Variants in GALNT1 observed in about 807,000 individuals in gnomAD.
The protein encoded by GALNT1 is polypeptide N-acetylgalactosaminyltransferase 1, also known as GalNAc transferase 1.
GALNT1 carries 17 observed loss-of-function variants against 65.7 expected under a neutral mutation model. The observed-to-expected ratio is 0.26, with a 90% CI of 0.18 to 0.39. The LOEUF (loss-of-function observed/expected upper bound fraction) is 0.39, where lower values mean the gene tolerates loss of function less well. Ranked by LOEUF, GALNT1 falls within the 10% of genes least tolerant of loss-of-function variation. The probability of loss-of-function intolerance (pLI) is 1.00; values close to 1 mark genes in which losing one functional copy is unlikely to be tolerated. For missense variants in GALNT1, 460 were observed against 672.8 expected, an observed-to-expected ratio of 0.68 and a Z score of 3.50; for synonymous variants, 210 against 219.7, an observed-to-expected ratio of 0.96 and a Z score of 0.39.
At chr18:35,669,026 G>A (rs1253359621) in intron 3 of GALNT1, among the ~76,000 whole-genome samples, 2 of 152,196 alleles carry the variant, frequency 1.3e-5, no homozygotes, top group Admixed American at 6.5e-5. Flanking sequence ...CGGATCATGA[G>A]GTCAGGAGAT....
chr18:35,687,977 T>G (rs7239521), intron 6 of GALNT1, among the ~76,000 whole-genome samples: 34,387 of 152,114 alleles, frequency 0.23, 4,408 homozygotes, highest in African/African-American at 0.34. Context: ...ACTGTGTGCT[T>G]TTTTCCTTAG....
At chr18:35,647,745 G>A (rs1009271356) in intron 1 of GALNT1, among the ~76,000 whole-genome samples, 6 of 152,056 alleles carry the variant, frequency 3.9e-5, no homozygotes, top group African/African-American at 1.4e-4. Context: ...ATGAAGCTTT[G>A]TTTTCTCAGA....
chr18:35,634,286 T>C lies in GALNT1; in HGVS notation c.-103-20274T>C, dbSNP rs112982036. On this transcript the variant is annotated intron_variant, in intron 1 of 11. Transcript: ENST00000269195. ...ACATTGCTAGGGGTCACATAACTCA[T>C]AAGTGTTGCTGCAACTGAAATTTGA... is the stretch of plus-strand genomic sequence containing the variant. Among the ~76,000 whole-genome samples the C allele has an allele frequency of 6.4e-3, 972 of 152,268 alleles. 18 individuals carry two copies. The highest frequency in any genetic ancestry group is 0.022 in the African/African-American group (922 of 41,552).
At chr18:35,594,405 T>C (rs2046480513) in intron 1 of GALNT1, among the ~76,000 whole-genome samples, 1 of 152,018 alleles carries the variant, frequency 6.6e-6, no homozygotes, top group Non-Finnish European at 1.5e-5. Context: ...GGTCTGAGGA[T>C]GTGCACAAGG....
intron 1 of GALNT1, among the ~76,000 whole-genome samples, chr18:35,639,866 A>T (rs535033019): frequency 6.6e-6 from 1 of 152,126 alleles, no homozygotes; most frequent in African/African-American, 2.4e-5. Context: ...GTGCGATCTC[A>T]GCTCACTGCA....
At chr18:35,656,306 C>CT (rs2047384935) in intron 2 of GALNT1, among the ~76,000 whole-genome samples, 1 of 152,136 alleles carries the variant, frequency 6.6e-6, no homozygotes, top group Non-Finnish European at 1.5e-5. Flanking sequence ...GGGCAAGGTA[C>CT]TAGGTGCTGT....
intron 9 of GALNT1, 23 bp downstream of exon 9, chr18:35,692,343 T>C (rs1433362781): frequency 2.2e-6 from 3 of 1,340,876 alleles, no homozygotes; most frequent in South Asian, 3.3e-5. Flanking sequence ...TATATATATA[T>C]TCTATGTGGT....
At chr18:35,704,289 T>A in intron 11 of GALNT1, among the ~76,000 whole-genome samples, 1 of 149,048 alleles carries the variant, frequency 6.7e-6, no homozygotes, top group South Asian at 2.1e-4. Context: ...CTGTAAGGCA[T>A]TTAGTGCCAC....
intron 1 of GALNT1, among the ~76,000 whole-genome samples, chr18:35,631,556 T>C (rs2047010439): frequency 6.6e-6 from 1 of 152,232 alleles, no homozygotes; most frequent in Admixed American, 6.5e-5. Context: ...GGGACATATC[T>C]CAAAATAATA....
chr18:35,648,906 G>A (rs563366798), intron 1 of GALNT1, among the ~76,000 whole-genome samples: 1 of 152,134 alleles, frequency 6.6e-6, no homozygotes, highest in South Asian at 2.1e-4. Flanking sequence ...TTCAGCCCTT[G>A]GCAGCCGCTG....
chr18:35,596,439 TC>T (rs779021216), intron 1 of GALNT1: 10 of 152,336 alleles, frequency 6.6e-5, no homozygotes, highest in Non-Finnish European at 1.2e-4. Context: ...TAATAGAGTT[TC>T]ATTATGAACT....
At chr18:35,648,071 GGAGGAAGT>G (rs1268170293) in intron 1 of GALNT1, among the ~76,000 whole-genome samples, 1 of 149,238 alleles carries the variant, frequency 6.7e-6, no homozygotes, top group East Asian at 2.0e-4. Context: ...AGTGAGGAAG[GGAGGAAGT>G]GAGGAAGGGT....
At chr18:35,637,110 G>A (rs1432542693) in intron 1 of GALNT1, among the ~76,000 whole-genome samples, 2 of 151,880 alleles carry the variant, frequency 1.3e-5, no homozygotes, top group Admixed American at 1.3e-4. Context: ...CTCTCCTCGG[G>A]TATCCCTGTT....
At chr18:35,702,762 A>G in intron 9 of GALNT1, 135 bp from the exon 10 acceptor site, 1 of 472,756 alleles carries the variant, frequency 2.1e-6, no homozygotes, top group Non-Finnish European at 3.8e-6. Context: ...ATACTCAGAC[A>G]GCGATAGGCC....
chr18:35,616,153 A>G (rs531655394), intron 1 of GALNT1, among the ~76,000 whole-genome samples: 72 of 152,362 alleles, frequency 4.7e-4, no homozygotes, highest in South Asian at 1.0e-3. Flanking sequence ...TAGCAGAAGA[A>G]TACATTATAA....
chr18:35,591,688 AT>A (rs1475224016), intron 1 of GALNT1: 1 of 154,420 alleles, frequency 6.5e-6, no homozygotes, highest in East Asian at 1.9e-4. Flanking sequence ...CTGTTGAAGG[AT>A]TTTGACGAGG....
intron 1 of GALNT1, chr18:35,596,282 G>A (rs1446496925): frequency 6.6e-6 from 1 of 152,216 alleles, no homozygotes; most frequent in Admixed American, 6.5e-5. Flanking sequence ...AGTCAAAATA[G>A]ACGGGGTTCT....
At chr18:35,617,793 A>G (rs2046803375) in intron 1 of GALNT1, among the ~76,000 whole-genome samples, 1 of 152,208 alleles carries the variant, frequency 6.6e-6, no homozygotes, top group African/African-American at 2.4e-5. Flanking sequence ...TGGTCCCTAA[A>G]GTGTCTTTTT....
Position 35,687,226 on chromosome 18 carries a change from G to A in GALNT1, c.860+40G>A, listed in dbSNP as rs1483498856. On this transcript the variant is annotated intron_variant, in intron 6 of 11. Transcript: ENST00000269195. ...AGACATTTTGCCTAAAGTGTTATTG[G>A]CAGAAGGTTGTGGAGCTTTGGGAAT... The A allele has an allele frequency of 4.4e-6, 7 of 1,587,472 alleles. No individual in the cohort carries two copies. In the East Asian group the frequency reaches 1.3e-4, roughly 31 times the overall value.
Sources: gnomAD v4.1 joint callset for allele counts (sites outside exome capture counted in the v4.1 genomes callset) on GRCh38, gnomAD v4.1.1 for gene constraint, MANE v1.5 for transcripts, NCBI Gene and HGNC (gene_info 2026-07-23, HGNC 2026-07-21) for gene names.